Variants in TMEM182 observed in about 807,000 individuals in gnomAD.
TMEM182 encodes the protein transmembrane protein 182.
A neutral mutation model predicts 26.8 loss-of-function variants in TMEM182; 20 were observed. The observed-to-expected ratio is 0.75, with a 90% CI of 0.53 to 1.09. The LOEUF (loss-of-function observed/expected upper bound fraction) is 1.09. Ranked by LOEUF, TMEM182 falls within the 50% of genes least tolerant of loss-of-function variation. The pLI is 0.00. For missense variants in TMEM182, 277 were observed against 275.5 expected (o/e 1.01, Z -0.04); for synonymous variants, 109 against 102.2 (o/e 1.07, Z -0.40).
At chr2:102,831,433 G>A (rs920515155) in intron 3 of TMEM182, among the ~76,000 whole-genome samples, 7 of 152,178 alleles carry the variant, frequency 4.6e-5, no homozygotes, top group East Asian at 1.9e-4. Context: ...ATACACGACC[G>A]ATGTGTTAAC....
At chr2:102,789,367 G>A (rs1365702178) in intron 3 of TMEM182, among the ~76,000 whole-genome samples, 1 of 152,200 alleles carries the variant, frequency 6.6e-6, no homozygotes, top group East Asian at 1.9e-4. Flanking sequence ...GATCATTTGG[G>A]TTGACTTTTC....
chr2:102,812,857 G>A (rs182951819), intron 4 of TMEM182, among the ~76,000 whole-genome samples: 3 of 152,186 alleles, frequency 2.0e-5, no homozygotes, highest in African/African-American at 7.2e-5. Context: ...AAATGCCTAA[G>A]CCAAACCTTT....
chr2:102,800,018 C>CT (rs1682049682), intron 4 of TMEM182, among the ~76,000 whole-genome samples: 1 of 150,590 alleles, frequency 6.6e-6, no homozygotes, highest in Non-Finnish European at 1.5e-5. Flanking sequence ...GTTTAAAGAG[C>CT]TAAAAAAAAA....
At chr2:102,791,445 A>G (rs547161437) in intron 3 of TMEM182, among the ~76,000 whole-genome samples, 1 of 152,316 alleles carries the variant, frequency 6.6e-6, no homozygotes, top group South Asian at 2.1e-4. Flanking sequence ...TAATTCTGTA[A>G]AAGTTTAATC....
chr2:102,826,911 A>C (rs1024965317), intron 3 of TMEM182, among the ~76,000 whole-genome samples: 2 of 152,330 alleles, frequency 1.3e-5, no homozygotes, highest in Non-Finnish European at 2.9e-5. Flanking sequence ...CAATCAAAAA[A>C]AAAATCCTAA....
intron 1 of TMEM182, among the ~76,000 whole-genome samples, chr2:102,745,169 C>T (rs969074796): frequency 2.6e-5 from 4 of 151,196 alleles, no homozygotes; most frequent in South Asian, 2.1e-4. Flanking sequence ...TCTGTGTTTA[C>T]GTTCACCAAT....
intron 3 of TMEM182, among the ~76,000 whole-genome samples, chr2:102,827,137 T>C (rs1419574017): frequency 6.6e-6 from 1 of 152,210 alleles, no homozygotes; most frequent in African/African-American, 2.4e-5. Context: ...CAGATCATGT[T>C]ACAGTGCAGC....
At chr2:102,807,373 A>G (rs377625296) in intron 4 of TMEM182, among the ~76,000 whole-genome samples, 4 of 152,210 alleles carry the variant, frequency 2.6e-5, no homozygotes, top group East Asian at 3.8e-4. Flanking sequence ...AGTCTGAGAA[A>G]ATGAAGAATG....
At chr2:102,750,401 G>GT (rs938921347) in intron 1 of TMEM182, among the ~76,000 whole-genome samples, 2 of 152,146 alleles carry the variant, frequency 1.3e-5, no homozygotes, top group Non-Finnish European at 1.5e-5. Context: ...TCCTATACCT[G>GT]TTTTTTGCCG....
At chr2:102,841,583 G>C (rs1285583409) in intron 3 of TMEM182, among the ~76,000 whole-genome samples, 1 of 152,226 alleles carries the variant, frequency 6.6e-6, no homozygotes, top group African/African-American at 2.4e-5. Flanking sequence ...CCACCACTGA[G>C]TCCAATGCTG....
intron 3 of TMEM182, among the ~76,000 whole-genome samples, chr2:102,794,686 T>G (rs184603027): frequency 8.7e-4 from 133 of 152,326 alleles, no homozygotes; most frequent in African/African-American, 3.1e-3. Flanking sequence ...CCCCATATGT[T>G]TTATGTAATG....
At chr2:102,772,032 A>G (rs1168494464) in intron 3 of TMEM182, among the ~76,000 whole-genome samples, 1 of 152,140 alleles carries the variant, frequency 6.6e-6, no homozygotes, top group East Asian at 1.9e-4. Flanking sequence ...TTGAAATTAT[A>G]CTCATACTGC....
chr2:102,760,782 T>G (rs533142163), upstream of TMEM182, among the ~76,000 whole-genome samples: 583 of 152,140 alleles, frequency 3.8e-3, 9 homozygotes, highest in East Asian at 1.2e-3. Context: ...GCCCAGCTAA[T>G]TTTTTGTATT....
intron 1 of TMEM182, among the ~76,000 whole-genome samples, chr2:102,743,549 G>A (rs1448485223): frequency 6.6e-6 from 1 of 152,052 alleles, no homozygotes; most frequent in African/African-American, 2.4e-5. Context: ...AAGAGCGGAA[G>A]ATTAAAGAAA....
chr2:102,805,338 G>GTGAGAATGTGAAGAGAGGAA (rs1682306724), intron 4 of TMEM182, among the ~76,000 whole-genome samples: 5 of 152,100 alleles, frequency 3.3e-5, no homozygotes, highest in African/African-American at 1.2e-4. Context: ...GGTGAAGGCT[G>GTGAGAATGTGAAGAGAGGAA]TGAGAATGTG....
chr2:102,795,499 G>C (rs534327061), intron 3 of TMEM182, among the ~76,000 whole-genome samples: 4 of 152,132 alleles, frequency 2.6e-5, no homozygotes, highest in Non-Finnish European at 1.5e-5. Context: ...TTCTTCTGTG[G>C]TGGCAGTTTC....
upstream of TMEM182, among the ~76,000 whole-genome samples, chr2:102,757,986 A>G (rs1680096063): frequency 6.6e-6 from 1 of 152,222 alleles, no homozygotes; most frequent in Non-Finnish European, 1.5e-5. Flanking sequence ...ATCCATCCCC[A>G]TAATCCAATC....
intron 3 of TMEM182, among the ~76,000 whole-genome samples, chr2:102,776,535 G>T (rs1459302219): frequency 2.0e-5 from 3 of 152,106 alleles, no homozygotes; most frequent in Admixed American, 6.5e-5. Flanking sequence ...TCATTAGTGG[G>T]TGTATCATTG....
At chr2:102,821,738 A>G (rs34552237), downstream of TMEM182, among the ~76,000 whole-genome samples, 7,235 of 152,134 alleles carry the variant, frequency 0.048, 220 homozygotes, top group Middle Eastern at 0.065. Context: ...TGATCATCCT[A>G]TTTAAAAATG....
Sources: gnomAD v4.1 joint callset for allele counts (sites outside exome capture counted in the v4.1 genomes callset) on GRCh38, gnomAD v4.1.1 for gene constraint, MANE v1.5 for transcripts, NCBI Gene and HGNC (gene_info 2026-07-23, HGNC 2026-07-21) for gene names.